Variants in SMARCA1 observed in about 807,000 individuals in gnomAD.
The protein encoded by SMARCA1 is SNF2 related chromatin remodeling ATPase 1.
SMARCA1 carries 17 observed loss-of-function variants against 93.6 expected under a neutral mutation model. The ratio of observed to expected loss-of-function variants is 0.18; its 90% CI spans 0.12 to 0.27. SMARCA1 has a LOEUF of 0.27. Ranked by LOEUF, SMARCA1 falls within the 10% of genes least tolerant of loss-of-function variation. The pLI, the probability that SMARCA1 is intolerant of heterozygous loss-of-function variation, is 1.00. For missense variants in SMARCA1, 630 were observed against 819.0 expected (o/e 0.77, Z 2.82); for synonymous variants, 271 against 271.4 (o/e 1.00, Z 0.01).
At chrX:129,456,084 T>C (rs1426669375) in intron 23 of SMARCA1, among the ~76,000 whole-genome samples, 1 of 111,774 alleles carries the variant, frequency 8.9e-6, no homozygotes, top group African/African-American at 3.2e-5. Flanking sequence ...ATGACAGGTT[T>C]ATTCATTAGG....
At chrX:129,451,450 T>C (rs1360370233) in intron 23 of SMARCA1, among the ~76,000 whole-genome samples, 1 of 111,234 alleles carries the variant, frequency 9.0e-6, no homozygotes, top group African/African-American at 3.3e-5. Context: ...TCATGGTTCA[T>C]GTGGGTGATT....
intron 1 of SMARCA1, among the ~76,000 whole-genome samples, chrX:129,520,533 T>C (rs1191963119): frequency 1.8e-5 from 2 of 110,470 alleles, no homozygotes; most frequent in Non-Finnish European, 3.8e-5. Flanking sequence ...TCCACCAAGT[T>C]TGAAAATCTG....
chrX:129,490,110 A>G lies in SMARCA1; in HGVS notation c.1898T>C (p.Val633Ala), dbSNP rs746121760. Reference protein sequence around the residue: ...ITDNTVEERIVERAEIKLRLD... With the variant: ...ITDNTVEERIAERAEIKLRLD... The stretch of plus-strand genomic sequence containing the variant: ...TCTCAGTTTTATCTCAGCTCTTTCT[A>G]CAATCCTCTCTTCAACAGTGTTGTC... Residue 633 changes from valine (V) to alanine (A), a missense_variant, in exon 15 of 25, where the codon GTA (valine) becomes GCA (alanine). By Grantham distance (64) the Val-to-Ala change is moderately conservative (BLOSUM62 0). Around this residue, in one of 4 missense-constraint regions of SMARCA1, gnomAD observed 382 missense variants for 537.9 expected, o/e 0.71. Transcript: ENST00000371121. 22 of 1,191,399 alleles carry G rather than the reference A, an allele frequency of 1.8e-5. No homozygotes were observed. The highest frequency in any genetic ancestry group is 2.2e-5 in the Non-Finnish European group (19 of 877,326).
chrX:129,458,267 TA>T (rs1171343376), intron 23 of SMARCA1, among the ~76,000 whole-genome samples: 2 of 112,523 alleles, frequency 1.8e-5, no homozygotes. Context: ...TTTTAGCCAC[TA>T]AAAAATATAA....
chrX:129,498,995 CA>C (rs1279082349), intron 10 of SMARCA1, among the ~76,000 whole-genome samples: 2 of 110,879 alleles, frequency 1.8e-5, no homozygotes, highest in Admixed American at 1.9e-4. Flanking sequence ...TTTTCATCAA[CA>C]CTAGTAATAT....
intron 23 of SMARCA1, among the ~76,000 whole-genome samples, chrX:129,463,213 G>C (rs1932835982): frequency 9.0e-6 from 1 of 111,709 alleles, no homozygotes; most frequent in Non-Finnish European, 1.9e-5. Context: ...GTAGGCATTT[G>C]TCTTCTACAA....
At chrX:129,523,136 G>T in intron 1 of SMARCA1, 61 bp downstream of exon 1, 1 of 1,147,034 alleles carries the variant, frequency 8.7e-7, no homozygotes. Context: ...CAGGGTTTGG[G>T]CCCCTCAGAG....
intron 23 of SMARCA1, among the ~76,000 whole-genome samples, chrX:129,454,143 C>T (rs1174063248): frequency 8.9e-6 from 1 of 111,744 alleles, no homozygotes; most frequent in Non-Finnish European, 1.9e-5. Flanking sequence ...CACCACACAT[C>T]TACAACCATC....
rs1309078414 is a variant in SMARCA1 at position 129,481,133 on chromosome X, T to C, written c.2270A>G (p.Tyr757Cys). The change falls in exon 18 of 25, where the codon TAC (tyrosine) becomes TGC (cysteine). Residue 757 changes from tyrosine to cysteine, a missense_variant. Around this residue, in one of 4 missense-constraint regions of SMARCA1, gnomAD observed 382 missense variants for 537.9 expected, o/e 0.71. Coordinates refer to ENST00000371121, the MANE Select transcript of SMARCA1 (RefSeq NM_001282874.2). The part of the protein sequence containing the change: ...EPPKRERKAN[Y>C]AVDAYFREAL... ...CTCTCTAAAGTAGGCATCCACTGCG[T>C]AGTTTGCTTTGCGTTCTCGTTTAGG... The C allele has an allele frequency of 8.3e-7, 1 of 1,206,157 alleles. No homozygotes were observed. Among genetic ancestry groups the C allele is most frequent in the African/African-American group, 1.7e-5 (1 of 57,190 alleles).
chrX:129,506,155 T>G lies in SMARCA1; in HGVS notation c.1023A>C (p.Thr341=), dbSNP rs769691557. 1 of 1,195,111 alleles carries G rather than the reference T, an allele frequency of 8.4e-7. No homozygotes were observed. The highest frequency in any genetic ancestry group is 3.0e-5 in the East Asian group (1 of 33,723). ...KSTNRLLLTG[T]PLQNNLHELW... ...GTTCATGCAGGTTATTCTGCAAAGG[T>G]GTTCCAGTTAGGAGCAAGCGGTTAG... Residue 341 remains threonine, a synonymous_variant, in exon 8 of 25, where the codon ACA becomes ACC. Coordinates refer to ENST00000371121, the MANE Select transcript of SMARCA1 (RefSeq NM_001282874.2).
intron 23 of SMARCA1, among the ~76,000 whole-genome samples, chrX:129,459,783 C>T: frequency 8.9e-6 from 1 of 112,369 alleles, no homozygotes; most frequent in Middle Eastern, 4.6e-3. Context: ...TTAAATACAA[C>T]AGTTCTATGC....
chrX:129,462,833 G>A (rs757836629), intron 23 of SMARCA1, among the ~76,000 whole-genome samples: 40 of 108,571 alleles, frequency 3.7e-4, no homozygotes, highest in Admixed American at 7.9e-4. Context: ...TACATTTCTC[G>A]GTAAAGAAAG....
In SMARCA1 at chrX:129,469,610, C is replaced by T. The variant is rs551882967; in HGVS notation, c.2566-705G>A. On this transcript the variant is annotated intron_variant, in intron 20 of 24. Transcript: ENST00000371121. ...ACTCCAGACACTGCAAAACTCTATCCCTGGCTTTTAGTTGATAAAGATTTC... is the reference window on the plus strand; with the variant it reads ...ACTCCAGACACTGCAAAACTCTATCTCTGGCTTTTAGTTGATAAAGATTTC... 4.5e-4 allele frequency among the ~76,000 whole-genome samples: 51 copies of T among 112,164 alleles called. 1 individual carries two copies. In the South Asian group the frequency reaches 0.019, roughly 42 times the overall value.
chrX:129,467,608 C>A lies in SMARCA1; in HGVS notation c.2698+1165G>T, dbSNP rs1006902198. 1.2e-4 allele frequency among the ~76,000 whole-genome samples: 13 copies of A among 109,597 alleles called. No individual in the cohort carries two copies. The Admixed American group carries it at 1.2e-3, about 10-fold the overall frequency. On this transcript the variant is annotated intron_variant, in intron 21 of 24. Coordinates refer to ENST00000371121, the MANE Select transcript of SMARCA1 (RefSeq NM_001282874.2). ...TATTATATGTAATAAAAACTCAATA[C>A]AACTGACCTCTGAAGTCCCCCAGAA...
intron 2 of SMARCA1, among the ~76,000 whole-genome samples, chrX:129,517,962 G>A (rs1238809462): frequency 9.0e-6 from 1 of 110,908 alleles, no homozygotes; most frequent in African/African-American, 3.3e-5. Flanking sequence ...CAAAGAAGGA[G>A]AAAGAAACAA....
At chrX:129,504,663 A>T (rs1261835076) in intron 9 of SMARCA1, 71 bp downstream of exon 9, 1 of 716,074 alleles carries the variant, frequency 1.4e-6, no homozygotes, top group Admixed American at 2.4e-5. Context: ...CAGATTCCAT[A>T]GCATTTTGTT....
Position 129,446,548 on chromosome X carries a change from G to A in SMARCA1, c.*614C>T, listed in dbSNP as rs1423217252. ...TTTATTATATTTTCCCACTTGAATAGAGAATAATTTAAATGTAATGCATAC... is the reference window on the plus strand; with the variant it reads ...TTTATTATATTTTCCCACTTGAATAAAGAATAATTTAAATGTAATGCATAC... On this transcript the variant is annotated 3_prime_UTR_variant, in exon 25 of 25. Transcript: ENST00000371121. 8.9e-6 allele frequency: 1 copy of A among 112,428 alleles called. No homozygotes were observed. The highest frequency in any genetic ancestry group is 1.9e-5 in the Non-Finnish European group (1 of 53,221). The allele number at this position is 112,428 out of a possible 1,213,427, so 9.3% of individuals were successfully genotyped here. A position where few individuals can be genotyped will look rare whatever the true frequency, so the allele number is the denominator to read the frequency against.
chrX:129,471,028 A>G (rs1933095303), intron 20 of SMARCA1, among the ~76,000 whole-genome samples, 176 bp downstream of exon 20: 1 of 112,251 alleles, frequency 8.9e-6, no homozygotes, highest in African/African-American at 3.2e-5. Context: ...GGCATATTCT[A>G]TAAGATCAAT....
At chrX:129,490,959 A>C (rs1392231134) in intron 14 of SMARCA1, among the ~76,000 whole-genome samples, 1 of 112,040 alleles carries the variant, frequency 8.9e-6, no homozygotes, top group Non-Finnish European at 1.9e-5. Flanking sequence ...TGGGATGCAC[A>C]CTAAGACTTC....
Sources: allele counts gnomAD v4.1 joint callset (sites outside exome capture counted in the v4.1 genomes callset), GRCh38; gene constraint gnomAD v4.1.1; regional missense constraint gnomAD v4.1.1; transcripts MANE v1.5; gene names NCBI Gene and HGNC (gene_info 2026-07-23, HGNC 2026-07-21).